The following SLC35F1 variants were observed in gnomAD, a reference collection of about 807,000 sequenced individuals.
SLC35F1 encodes the protein chromosome 6 open reading frame 169.
In SLC35F1, 14 loss-of-function variants were observed where a neutral mutation model predicts 48.7. That is an observed-to-expected ratio of 0.29 (90% CI 0.19 to 0.45). The LOEUF is 0.45. SLC35F1 is among the 20% of genes least tolerant of loss of function. The pLI, the probability that SLC35F1 is intolerant of heterozygous loss-of-function variation, is 1.00. For synonymous variants in SLC35F1, 190 were observed against 202.2 expected (o/e 0.94, Z 0.51); for missense variants, 404 against 500.0 (o/e 0.81, Z 1.83).
chr6:118,298,065 C>T (rs1776213810), intron 7 of SLC35F1, among the ~76,000 whole-genome samples: 1 of 152,072 alleles, frequency 6.6e-6, no homozygotes, highest in Admixed American at 6.6e-5. Context: ...GCACCTCCTT[C>T]ACCTTCTGCC....
intron 1 of SLC35F1, among the ~76,000 whole-genome samples, chr6:118,001,803 C>T (rs200077139): frequency 1.2e-4 from 19 of 152,116 alleles, no homozygotes; most frequent in East Asian, 9.7e-4. Flanking sequence ...TATGAACAGA[C>T]GCTTCTCAAA....
intron 1 of SLC35F1, among the ~76,000 whole-genome samples, chr6:117,975,625 T>C (rs1045139953): frequency 6.6e-6 from 1 of 152,198 alleles, no homozygotes; most frequent in Non-Finnish European, 1.5e-5. Flanking sequence ...GGAGATGTGA[T>C]TCTCTTATTT....
At chr6:117,984,024 C>T (rs73768126) in intron 1 of SLC35F1, among the ~76,000 whole-genome samples, 3,062 of 152,218 alleles carry the variant, frequency 0.02, 106 homozygotes, top group African/African-American at 0.071. Flanking sequence ...TTATAACCTG[C>T]CCTCCAACAA....
intron 4 of SLC35F1, among the ~76,000 whole-genome samples, chr6:118,270,944 G>A (rs927348): frequency 0.38 from 58,140 of 151,938 alleles, 11,846 homozygotes; most frequent in Middle Eastern, 0.49. Context: ...TATCCTTCTC[G>A]CCCTTCAAAA....
chr6:117,973,496 C>T (rs1157193648), intron 1 of SLC35F1, among the ~76,000 whole-genome samples: 2 of 152,030 alleles, frequency 1.3e-5, no homozygotes, highest in Admixed American at 1.3e-4. Flanking sequence ...GATATGCTTT[C>T]TGGGTCTCTC....
chr6:118,278,642 C>A (rs1775946067), intron 6 of SLC35F1, among the ~76,000 whole-genome samples: 1 of 151,978 alleles, frequency 6.6e-6, no homozygotes, highest in African/African-American at 2.4e-5. Context: ...AGTTGTGCTA[C>A]AGAATTATAT....
At chr6:118,183,566 C>T (rs1472508152) in intron 2 of SLC35F1, among the ~76,000 whole-genome samples, 5 of 151,674 alleles carry the variant, frequency 3.3e-5, no homozygotes, top group African/African-American at 9.7e-5. Flanking sequence ...CATGAAATGA[C>T]AACATTAAGA....
At chr6:117,939,008 CTTTT>C (rs576443846) in intron 1 of SLC35F1, among the ~76,000 whole-genome samples, 2 of 132,070 alleles carry the variant, frequency 1.5e-5, no homozygotes, top group South Asian at 2.5e-4. Context: ...AATTCTTGTT[CTTTT>C]TTTTTTTTTT....
intron 3 of SLC35F1, among the ~76,000 whole-genome samples, chr6:118,247,027 A>G (rs1775516347): frequency 6.6e-6 from 1 of 152,220 alleles, no homozygotes; most frequent in South Asian, 2.1e-4. Context: ...TAGATGCTCA[A>G]TAAATGACAG....
chr6:118,144,696 C>T (rs931588230), intron 1 of SLC35F1, among the ~76,000 whole-genome samples: 8 of 150,096 alleles, frequency 5.3e-5, no homozygotes, highest in African/African-American at 9.8e-5. Flanking sequence ...CCTAGTATTA[C>T]GGAAGAAAAT....
At chr6:118,080,372 G>A (rs975430289) in intron 1 of SLC35F1, among the ~76,000 whole-genome samples, 1 of 152,146 alleles carries the variant, frequency 6.6e-6, no homozygotes, top group East Asian at 1.9e-4. Context: ...TGGCTTGATG[G>A]GTTCTGGAGA....
intron 1 of SLC35F1, among the ~76,000 whole-genome samples, chr6:117,920,174 A>G (rs1045551982): frequency 6.6e-6 from 1 of 152,162 alleles, no homozygotes; most frequent in Non-Finnish European, 1.5e-5. Context: ...CCTGTCCTCC[A>G]CAGATAGCCC....
chr6:118,081,484 A>C (rs959774081), intron 1 of SLC35F1, among the ~76,000 whole-genome samples: 3 of 151,960 alleles, frequency 2.0e-5, no homozygotes, highest in Non-Finnish European at 4.4e-5. Flanking sequence ...TTTTAAAAAA[A>C]AATAGCTAGG....
At chr6:118,174,550 T>G (rs1350156217) in intron 2 of SLC35F1, among the ~76,000 whole-genome samples, 1 of 151,966 alleles carries the variant, frequency 6.6e-6, no homozygotes, top group African/African-American at 2.4e-5. Context: ...ATATCCAAGG[T>G]GTATGGGACA....
At chr6:118,218,902 A>G (rs934062467) in intron 2 of SLC35F1, among the ~76,000 whole-genome samples, 2 of 152,186 alleles carry the variant, frequency 1.3e-5, no homozygotes, top group East Asian at 3.9e-4. Flanking sequence ...CAGTGGTTTA[A>G]TTTCTATCTG....
intron 1 of SLC35F1, among the ~76,000 whole-genome samples, chr6:118,120,591 A>T (rs1017536341): frequency 1.3e-5 from 2 of 152,144 alleles, no homozygotes; most frequent in Admixed American, 1.3e-4. Context: ...TTTATGTTTT[A>T]TGACTACATA....
At chr6:118,022,383 T>C (rs1281903784) in intron 1 of SLC35F1, among the ~76,000 whole-genome samples, 2 of 151,992 alleles carry the variant, frequency 1.3e-5, no homozygotes, top group African/African-American at 4.8e-5. Flanking sequence ...AACTCGGAAA[T>C]GGATTTGATG....
chr6:118,108,451 T>A (rs1290038007), intron 1 of SLC35F1, among the ~76,000 whole-genome samples: 4 of 152,200 alleles, frequency 2.6e-5, no homozygotes, highest in Non-Finnish European at 4.4e-5. Flanking sequence ...ACAATCAGCC[T>A]GTATATCCAT....
chr6:118,104,448 T>A (rs969294528), intron 1 of SLC35F1, among the ~76,000 whole-genome samples: 3 of 152,174 alleles, frequency 2.0e-5, no homozygotes, highest in Admixed American at 1.3e-4. Context: ...AGATAATACA[T>A]AAAGCACAGT....
Sources: allele counts gnomAD v4.1 joint callset (sites outside exome capture counted in the v4.1 genomes callset), GRCh38; gene constraint gnomAD v4.1.1; transcripts MANE v1.5; gene names NCBI Gene and HGNC (gene_info 2026-07-23, HGNC 2026-07-21).